SCAF4: variants seen among roughly 807,000 people sequenced by gnomAD.
SCAF4 encodes SR-related CTD associated factor 4, also known as SR-related and CTD-associated factor 4.
Under a neutral mutation model 129.8 loss-of-function variants are expected in SCAF4, and 25 were observed. The observed-to-expected ratio is 0.19, with a 90% CI of 0.14 to 0.27. The LOEUF (loss-of-function observed/expected upper bound fraction) is 0.27, where lower values mean the gene tolerates loss of function less well. Ranked by LOEUF, SCAF4 falls within the 10% of genes least tolerant of loss-of-function variation. The pLI, the probability that SCAF4 is intolerant of heterozygous loss-of-function variation, is 1.00. For missense variants in SCAF4, 1,246 were observed against 1,457.1 expected (o/e 0.86, Z 2.36); for synonymous variants, 551 against 497.7 (o/e 1.11, Z -1.43).
At chr21:31,706,446 G>C in intron 1 of SCAF4, 89 bp from the exon 2 acceptor site, 1 of 860,654 alleles carries the variant, frequency 1.2e-6, no homozygotes. Flanking sequence ...TCACCACTTG[G>C]AAAATACAAA....
At chr21:31,695,271 GA>G (rs1417548278) in intron 9 of SCAF4, among the ~76,000 whole-genome samples, 2 of 152,170 alleles carry the variant, frequency 1.3e-5, no homozygotes, top group East Asian at 3.9e-4. Flanking sequence ...GTGATAAACT[GA>G]ACTTCAAGTC....
intron 1 of SCAF4, among the ~76,000 whole-genome samples, chr21:31,720,438 A>G (rs1278477037): frequency 1.3e-5 from 2 of 152,322 alleles, no homozygotes; most frequent in African/African-American, 2.4e-5. Context: ...CATTATTTTG[A>G]TAGTTATCAC....
At chr21:31,698,328 T>C (rs908930868) in intron 7 of SCAF4, among the ~76,000 whole-genome samples, 5 of 152,202 alleles carry the variant, frequency 3.3e-5, no homozygotes, top group African/African-American at 9.7e-5. Flanking sequence ...TCTAAACTTA[T>C]GGGCCAGTCC....
chr21:31,701,805 G>C lies in SCAF4; in HGVS notation c.571C>G (p.Gln191Glu). The C allele has an allele frequency of 6.2e-7, 1 of 1,613,112 alleles. No homozygotes were observed. Among genetic ancestry groups the C allele is most frequent in the East Asian group, 2.2e-5 (1 of 44,858 alleles). ...PSSDAFAAVA[Q>E]LFQTTQGQQL... ...TGGCCTTGAGTTGTCTGAAACAGCT[G>C]AGCCACAGCAGCAAAAGCATCAGAG... is the stretch of plus-strand genomic sequence containing the variant. Residue 191 changes from glutamine (Q) to glutamate (E), a missense_variant, in exon 6 of 20, where the codon CAG becomes GAG. Around this residue, in one of 6 missense-constraint regions of SCAF4, gnomAD observed 143 missense variants for 161.0 expected, o/e 0.89. Transcript: ENST00000286835.
chr21:31,702,017 A>C, intron 5 of SCAF4, 99 bp from the exon 6 acceptor site: 1 of 1,439,048 alleles, frequency 6.9e-7, no homozygotes, highest in Non-Finnish European at 9.5e-7. Context: ...CCAATTTAAC[A>C]AAGTATAAAA....
intron 1 of SCAF4, among the ~76,000 whole-genome samples, chr21:31,709,178 A>G (rs975007979): frequency 6.6e-6 from 1 of 152,110 alleles, no homozygotes; most frequent in Non-Finnish European, 1.5e-5. Context: ...TGGTATCCCC[A>G]TCACTGTGGG....
At chr21:31,692,254 G>T in intron 13 of SCAF4, 95 bp downstream of exon 13, 3 of 888,620 alleles carry the variant, frequency 3.4e-6, no homozygotes, top group South Asian at 2.8e-5. Flanking sequence ...CTATAAACCT[G>T]GGCAAATTGT....
At chr21:31,677,144 C>A (rs929143559) in intron 19 of SCAF4, among the ~76,000 whole-genome samples, 16 of 152,254 alleles carry the variant, frequency 1.1e-4, no homozygotes, top group African/African-American at 3.9e-4. Flanking sequence ...CCACATGCCA[C>A]CAAATCTACC....
chr21:31,703,789 T>C lies in SCAF4; in HGVS notation c.297A>G (p.Leu99=), dbSNP rs770848157. 8.3e-6 allele frequency: 13 copies of C among 1,572,524 alleles called. No homozygotes were observed. In the East Asian group the frequency reaches 2.0e-4, roughly 24 times the overall value. The change falls in exon 4 of 20, where the codon TTA becomes TTG. Residue 99 remains leucine, a synonymous_variant. Coordinates refer to ENST00000286835, the MANE Select transcript of SCAF4 (RefSeq NM_020706.2). The stretch of plus-strand genomic sequence containing the variant: ...CCTTATCTTCAGATGGACAAAGATA[T>C]AAATATTGGAATGTGGCAGTTATGT... ...SKNITATFQY[L]YLCPSEDKSK...
rs369611518 is a variant in SCAF4 at position 31,690,761 on chromosome 21, T to C, written c.1885+36A>G. On this transcript the variant is annotated intron_variant, in intron 15 of 19. Transcript: ENST00000286835. ...TTTGTCATATGTACTACCAAGCAAA[T>C]AAGTGAACTGTAAGAGAAATTAAAT... 283 of 1,585,926 alleles carry C rather than the reference T, an allele frequency of 1.8e-4. 10 individuals carry two copies. In the South Asian group the frequency reaches 2.9e-3, roughly 16 times the overall value.
At position 31,688,393 on chromosome 21, in the gene SCAF4, C is replaced by G. The variant is rs202125323; in HGVS notation, c.1957G>C (p.Glu653Gln). Reference protein sequence around the residue: ...QNGGAETSHTEPVSPIPKPLP... With the variant: ...QNGGAETSHTQPVSPIPKPLP... Reference sequence around the variant, plus strand: ...GGTTTAGGTATGGGTGATACTGGTTCTGTGTGTGAGGTTTCAGCACCTCCA... The same window carrying G: ...GGTTTAGGTATGGGTGATACTGGTTGTGTGTGTGAGGTTTCAGCACCTCCA... Residue 653 changes from glutamate to glutamine, a missense_variant, in exon 16 of 20, where the codon GAA (glutamate) becomes CAA (glutamine). Coordinates refer to ENST00000286835, the MANE Select transcript of SCAF4 (RefSeq NM_020706.2). 14 of 1,613,908 alleles carry G rather than the reference C, an allele frequency of 8.7e-6. No homozygotes were observed. In the East Asian group the frequency reaches 8.9e-5, roughly 10 times the overall value.
At chr21:31,712,527 C>CT (rs567950595) in intron 1 of SCAF4, among the ~76,000 whole-genome samples, 16,208 of 123,966 alleles carry the variant, frequency 0.13, 1,367 homozygotes, top group Non-Finnish European at 0.18. Flanking sequence ...CTGATTCTCC[C>CT]TTTTTTTTTT....
intron 1 of SCAF4, among the ~76,000 whole-genome samples, chr21:31,730,691 T>C (rs1220840638): frequency 1.3e-5 from 2 of 152,230 alleles, no homozygotes; most frequent in Non-Finnish European, 2.9e-5. Flanking sequence ...TGTAACTGCA[T>C]TTTAAATCAT....
intron 1 of SCAF4, among the ~76,000 whole-genome samples, chr21:31,723,456 A>C (rs904821591): frequency 1.2e-4 from 19 of 152,132 alleles, no homozygotes; most frequent in South Asian, 2.1e-4. Flanking sequence ...CCGTCTCAAA[A>C]AAAACAAAAC....
At chr21:31,713,334 T>C (rs974765824) in intron 1 of SCAF4, among the ~76,000 whole-genome samples, 4 of 152,180 alleles carry the variant, frequency 2.6e-5, no homozygotes, top group Admixed American at 2.0e-4. Context: ...TTGCTACCTA[T>C]GAGAATTCCT....
chr21:31,707,579 C>T (rs1294668533), intron 1 of SCAF4, among the ~76,000 whole-genome samples: 7 of 152,228 alleles, frequency 4.6e-5, no homozygotes, highest in Admixed American at 3.3e-4. Flanking sequence ...TAAGCATACA[C>T]TTACCTGGGA....
At chr21:31,672,378 T>A in intron 19 of SCAF4, 24 bp from the exon 20 acceptor site, 1 of 1,559,110 alleles carries the variant, frequency 6.4e-7, no homozygotes, top group East Asian at 2.2e-5. Context: ...AAAATAAAAA[T>A]GTAAACACCA....
chr21:31,710,912 C>T lies in SCAF4; in HGVS notation c.31-4555G>A, dbSNP rs139296478. Among the ~76,000 whole-genome samples the T allele has an allele frequency of 3.0e-4, 46 of 152,242 alleles. No homozygotes were observed. The East Asian group carries it at 8.3e-3, about 27-fold the overall frequency. On this transcript the variant is annotated intron_variant, in intron 1 of 19. Coordinates refer to ENST00000286835, the MANE Select transcript of SCAF4 (RefSeq NM_020706.2). ...TTAGTAAGTGGCAAGCTGAGTGTTT[C>T]GTATATAAAAAGGAGACAGGACCAT...
intron 19 of SCAF4, chr21:31,684,257 C>A (rs2050062205): frequency 6.5e-6 from 1 of 153,244 alleles, no homozygotes; most frequent in Non-Finnish European, 1.5e-5. Flanking sequence ...ATATTAACTT[C>A]CAGTTAGGGG....
Sources: gnomAD v4.1 joint callset for allele counts (sites outside exome capture counted in the v4.1 genomes callset) on GRCh38, gnomAD v4.1.1 for gene constraint, gnomAD v4.1.1 regional missense constraint, MANE v1.5 for transcripts, NCBI Gene and HGNC (gene_info 2026-07-23, HGNC 2026-07-21) for gene names.